IFT88: variants seen among roughly 807,000 people sequenced by gnomAD.
IFT88 encodes the protein intraflagellar transport protein 88 homolog.
A neutral mutation model predicts 119.5 loss-of-function variants in IFT88; 74 were observed. The observed-to-expected ratio is 0.62, with a 90% CI of 0.51 to 0.75. The LOEUF (loss-of-function observed/expected upper bound fraction) is 0.75, where lower values mean the gene tolerates loss of function less well. IFT88 is among the 30% of genes least tolerant of loss of function. The pLI, the probability that IFT88 is intolerant of heterozygous loss-of-function variation, is 0.00. For synonymous variants in IFT88, 279 were observed against 316.7 expected, an observed-to-expected ratio of 0.88 and a Z score of 1.26; for missense variants, 961 against 977.7, an observed-to-expected ratio of 0.98 and a Z score of 0.23.
Position 20,591,623 on chromosome 13 carries a change from A to C in IFT88, c.270A>C (p.Gly90=). 6.2e-7 allele frequency: 1 copy of C among 1,611,410 alleles called. No homozygotes were observed. The highest frequency in any genetic ancestry group is 1.1e-5 in the South Asian group (1 of 91,004). The part of the protein sequence containing the change: ...GRPMTGAIQD[G]VTRPMTAVRA... Reference sequence around the variant, plus strand: ...GATTCCCATTCTCTTTAAAGGATGGAGTTACTAGACCCATGACAGCAGTGA... The same window carrying C: ...GATTCCCATTCTCTTTAAAGGATGGCGTTACTAGACCCATGACAGCAGTGA... Residue 90 remains glycine, a synonymous_variant, in exon 6 of 26, where the codon GGA becomes GGC. Coordinates refer to ENST00000351808, the MANE Select transcript of IFT88 (RefSeq NM_006531.5).
At chr13:20,629,310 G>A (rs2047834191) in intron 15 of IFT88, among the ~76,000 whole-genome samples, 2 of 152,138 alleles carry the variant, frequency 1.3e-5, no homozygotes, top group Admixed American at 6.5e-5. Flanking sequence ...CATCAATGAG[G>A]TAGTTTCTAT....
Position 20,653,876 on chromosome 13 carries a change from G to T in IFT88, c.1950G>T (p.Gln650His). ...TTCATCTCATTTATTTATTTTATAG[G>T]CCTACACAAGTGAAATGGCAGCTGA... ...IQYFERASLIQPTQVKWQLMV... is the reference protein window; with the variant it reads ...IQYFERASLIHPTQVKWQLMV... Residue 650 changes from glutamine (Q) to histidine (H), a missense_variant and splice_region_variant, in exon 21 of 26, where the codon CAG becomes CAT. Gln to His is a conservative substitution (Grantham distance 24). Transcript: ENST00000351808. 6.4e-7 allele frequency: 1 copy of T among 1,558,358 alleles called. No individual in the cohort carries two copies. Among genetic ancestry groups the T allele is most frequent in the Non-Finnish European group, 8.7e-7 (1 of 1,143,670 alleles).
Position 20,656,569 on chromosome 13 carries a change from T to C in IFT88, c.2068+139T>C, listed in dbSNP as rs891750697. 4 of 386,234 alleles carry C rather than the reference T, an allele frequency of 1.0e-5. No individual in the cohort carries two copies. The South Asian group carries it at 3.3e-4, about 32-fold the overall frequency. 23.9% of individuals were successfully genotyped at this position (386,234 alleles called of 1,614,324 possible). ...GTGATACATATTTTAAATATTTTTA[T>C]AGCATCAGAAAATTTGACTATGCAA... On this transcript the variant is annotated intron_variant, in intron 22 of 25. Transcript: ENST00000351808.
At chr13:20,650,990 G>A (rs1366008018) in intron 20 of IFT88, among the ~76,000 whole-genome samples, 4 of 152,016 alleles carry the variant, frequency 2.6e-5, no homozygotes, top group African/African-American at 9.7e-5. Flanking sequence ...ATATATATGA[G>A]GATTTATTTC....
In IFT88 at chr13:20,584,755, T is replaced by C. The variant is rs537043691; in HGVS notation, c.153+1736T>C. Among the ~76,000 whole-genome samples, 3 of 152,314 alleles carry C rather than the reference T, an allele frequency of 2.0e-5. No individual in the cohort carries two copies. In the East Asian group the frequency reaches 5.8e-4, roughly 29 times the overall value. Reference sequence around the variant, plus strand: ...AAAGTTCTATCCCTAATGTTCTATGTCTAATATTCCTTTTTGGAATGCTGC... The same window carrying C: ...AAAGTTCTATCCCTAATGTTCTATGCCTAATATTCCTTTTTGGAATGCTGC... On this transcript the variant is annotated intron_variant, in intron 3 of 25. Transcript: ENST00000351808.
chr13:20,656,314 C>G (rs768702409), intron 21 of IFT88, 51 bp from the exon 22 acceptor site: 3 of 769,064 alleles, frequency 3.9e-6, no homozygotes, highest in Non-Finnish European at 6.2e-6. Context: ...TTTTCTGAAT[C>G]CTGTTAGTTT....
chr13:20,633,573 A>T (rs2048541257), intron 16 of IFT88, among the ~76,000 whole-genome samples: 1 of 152,262 alleles, frequency 6.6e-6, no homozygotes, highest in East Asian at 1.9e-4. Flanking sequence ...TCACTAATGA[A>T]TTTTTTGACC....
At chr13:20,587,931 G>C (rs2039995057) in intron 3 of IFT88, among the ~76,000 whole-genome samples, 1 of 146,840 alleles carries the variant, frequency 6.8e-6, no homozygotes, top group Admixed American at 6.7e-5. Flanking sequence ...TTTTAGTTAA[G>C]TATTTATTCC....
At chr13:20,673,026 C>T (rs9506534) in intron 24 of IFT88, among the ~76,000 whole-genome samples, 60,168 of 152,014 alleles carry the variant, frequency 0.4, 13,778 homozygotes, top group Non-Finnish European at 0.52. Flanking sequence ...GCAGGAAGTA[C>T]GTGATATCAG....
rs1036771354 is a variant in IFT88, at chr13:20,605,031, C to T, written c.1042-4C>T. ...TCTTTTTTTCTTCCATTTTATTTTA[C>T]CAGGATGATCCTCATACTAACTTAG... On this transcript the variant is annotated splice_polypyrimidine_tract_variant and splice_region_variant and intron_variant, in intron 12 of 25. Transcript: ENST00000351808. The T allele has an allele frequency of 1.2e-5, 16 of 1,367,606 alleles. No homozygotes were observed. In the East Asian group the frequency reaches 2.5e-4, roughly 22 times the overall value. 84.7% of individuals were successfully genotyped at this position (1,367,606 alleles called of 1,614,324 possible). A position where few individuals can be genotyped will look rare whatever the true frequency, so the allele number is the denominator to read the frequency against.
At chr13:20,663,631 G>A (rs1421253297) in intron 23 of IFT88, 27 bp downstream of exon 23, 3 of 1,487,876 alleles carry the variant, frequency 2.0e-6, no homozygotes, top group African/African-American at 1.4e-5. Flanking sequence ...CCAAACTGCA[G>A]TCTGTTAATT....
At chr13:20,663,967 G>A (rs1032314756) in intron 23 of IFT88, among the ~76,000 whole-genome samples, 1 of 152,228 alleles carries the variant, frequency 6.6e-6, no homozygotes, top group African/African-American at 2.4e-5. Context: ...TGGAATCTGT[G>A]AGTGTGTGCT....
intron 24 of IFT88, among the ~76,000 whole-genome samples, chr13:20,680,343 A>G (rs1039408622): frequency 4.6e-5 from 7 of 152,182 alleles, no homozygotes; most frequent in Non-Finnish European, 8.8e-5. Context: ...TAGGGCTTAG[A>G]CGGGCCTCTA....
chr13:20,660,893 T>G (rs142267151), intron 22 of IFT88, among the ~76,000 whole-genome samples: 14 of 152,362 alleles, frequency 9.2e-5, no homozygotes, highest in Admixed American at 3.3e-4. Flanking sequence ...CATCTTCATA[T>G]AAATTTATTT....
At chr13:20,605,858 A>G (rs1414114534) in intron 13 of IFT88, among the ~76,000 whole-genome samples, 1 of 152,232 alleles carries the variant, frequency 6.6e-6, no homozygotes, top group Non-Finnish European at 1.5e-5. Flanking sequence ...CAACTCAGAG[A>G]CAACCAAATG....
chr13:20,690,985 G>T lies in IFT88; in HGVS notation c.2354-69G>T, dbSNP rs866975643. The T allele has an allele frequency of 1.8e-5, 28 of 1,567,926 alleles. 1 individual carries two copies. In the Middle Eastern group the frequency reaches 2.0e-3, roughly 114 times the overall value. ...TCTGAGTTATTCATTTTGACTATGAGCCTGATTGGTTTCACATTTGTTTTG... is the reference window on the plus strand; with the variant it reads ...TCTGAGTTATTCATTTTGACTATGATCCTGATTGGTTTCACATTTGTTTTG... On this transcript the variant is annotated intron_variant, in intron 25 of 25. Transcript: ENST00000351808.
chr13:20,671,958 G>A (rs908963335), intron 24 of IFT88, among the ~76,000 whole-genome samples: 10 of 152,124 alleles, frequency 6.6e-5, no homozygotes, highest in African/African-American at 2.4e-4. Context: ...TGCATACTGT[G>A]TGCCAAACAC....
intron 1 of IFT88, among the ~76,000 whole-genome samples, chr13:20,573,975 T>C (rs2036880524): frequency 6.6e-6 from 1 of 152,180 alleles, no homozygotes; most frequent in African/African-American, 2.4e-5. Flanking sequence ...GCCATGAAAA[T>C]ATATATAGAT....
At chr13:20,663,801 A>G (rs920247126) in intron 23 of IFT88, among the ~76,000 whole-genome samples, 197 bp downstream of exon 23, 1 of 152,234 alleles carries the variant, frequency 6.6e-6, no homozygotes, top group African/African-American at 2.4e-5. Flanking sequence ...AGGGAGAGGA[A>G]GTGCAATAGA....
Sources: gnomAD v4.1 joint callset for allele counts (sites outside exome capture counted in the v4.1 genomes callset) on GRCh38, gnomAD v4.1.1 for gene constraint, MANE v1.5 for transcripts, NCBI Gene and HGNC (gene_info 2026-07-23, HGNC 2026-07-21) for gene names.